SGCD: variants seen among roughly 807,000 people sequenced by gnomAD.
SGCD encodes the protein sarcoglycan delta.
SGCD carries 18 observed loss-of-function variants against 36.6 expected under a neutral mutation model. The observed-to-expected ratio is 0.49, with a 90% CI of 0.34 to 0.73. The LOEUF is 0.73. SGCD is among the 30% of genes least tolerant of loss of function. The pLI is 0.01. For synonymous variants in SGCD, 133 were observed against 130.6 expected, an observed-to-expected ratio of 1.02 and a Z score of -0.12; for missense variants, 387 against 346.7, an observed-to-expected ratio of 1.12 and a Z score of -0.92.
chr5:156,100,913 A>G (rs1417456639), intron 1 of SGCD, among the ~76,000 whole-genome samples: 1 of 152,130 alleles, frequency 6.6e-6, no homozygotes. Context: ...CCACATTTAC[A>G]TGTTTATTTG....
chr5:155,943,566 G>C (rs772689658), intron 1 of SGCD, among the ~76,000 whole-genome samples: 4 of 152,138 alleles, frequency 2.6e-5, no homozygotes, highest in Non-Finnish European at 5.9e-5. Flanking sequence ...AATTTGCATA[G>C]AAGGGAAACC....
chr5:156,559,749 G>A (rs1387685924), intron 4 of SGCD, among the ~76,000 whole-genome samples: 4 of 152,128 alleles, frequency 2.6e-5, no homozygotes, highest in Non-Finnish European at 5.9e-5. Context: ...AACTTCTATA[G>A]GAGACAGGCT....
At chr5:155,903,539 A>G (rs1756435184) in intron 1 of SGCD, among the ~76,000 whole-genome samples, 1 of 152,308 alleles carries the variant, frequency 6.6e-6, no homozygotes, top group Non-Finnish European at 1.5e-5. Flanking sequence ...TTTACTGAGC[A>G]GGAGCCTCTG....
At chr5:156,758,899 C>T (rs1398132520) in intron 8 of SGCD, among the ~76,000 whole-genome samples, 2 of 152,078 alleles carry the variant, frequency 1.3e-5, no homozygotes, top group African/African-American at 4.8e-5. Context: ...CTGGGAAGTC[C>T]CATAGTAAAG....
intron 4 of SGCD, among the ~76,000 whole-genome samples, chr5:156,536,555 T>C (rs996061699): frequency 2.6e-5 from 4 of 152,268 alleles, no homozygotes; most frequent in Admixed American, 2.0e-4. Flanking sequence ...AATGCAGCTT[T>C]ATTTTTGTCA....
intron 7 of SGCD, among the ~76,000 whole-genome samples, chr5:156,720,379 A>C (rs1348127319): frequency 6.6e-6 from 1 of 152,210 alleles, no homozygotes; most frequent in Non-Finnish European, 1.5e-5. Flanking sequence ...GCTGACATTT[A>C]AGCATACACC....
intron 1 of SGCD, among the ~76,000 whole-genome samples, chr5:156,081,871 C>T (rs768829290): frequency 2.0e-5 from 3 of 152,054 alleles, no homozygotes; most frequent in Non-Finnish European, 4.4e-5. Flanking sequence ...GAGTGATTGC[C>T]CCACTATGCA....
chr5:155,740,499 C>T, the SGCD span, among the ~76,000 whole-genome samples: 2 of 152,048 alleles, frequency 1.3e-5, no homozygotes, highest in South Asian at 2.1e-4. Flanking sequence ...CCTTTTTATA[C>T]TCAAATTGGG....
At chr5:156,474,446 T>G (rs188450621) in intron 3 of SGCD, among the ~76,000 whole-genome samples, 1 of 152,188 alleles carries the variant, frequency 6.6e-6, no homozygotes, top group Admixed American at 6.5e-5. Context: ...TAGCTTGTAC[T>G]GACTCCTTAG....
At chr5:156,361,616 A>G (rs1298826785) in intron 3 of SGCD, among the ~76,000 whole-genome samples, 1 of 152,222 alleles carries the variant, frequency 6.6e-6, no homozygotes, top group African/African-American at 2.4e-5. Context: ...AAAATTCAGC[A>G]CAGAGTCATA....
chr5:156,641,474 A>G (rs1264520227), intron 6 of SGCD, among the ~76,000 whole-genome samples: 3 of 152,240 alleles, frequency 2.0e-5, no homozygotes, highest in Non-Finnish European at 4.4e-5. Context: ...TAGTTTATTC[A>G]TAATTTTTCA....
At chr5:156,680,619 G>A (rs905561880) in intron 7 of SGCD, among the ~76,000 whole-genome samples, 8 of 152,104 alleles carry the variant, frequency 5.3e-5, no homozygotes, top group South Asian at 2.1e-4. Flanking sequence ...ATGCAGAGAC[G>A]AACAAGCTAT....
chr5:156,494,155 G>A (rs1289002021), intron 3 of SGCD, among the ~76,000 whole-genome samples: 1 of 152,100 alleles, frequency 6.6e-6, no homozygotes, highest in Admixed American at 6.6e-5. Context: ...GGCTGCTGTT[G>A]AACATATACA....
intron 1 of SGCD, among the ~76,000 whole-genome samples, chr5:156,017,034 C>T (rs920376881): frequency 3.3e-5 from 5 of 152,044 alleles, no homozygotes; most frequent in African/African-American, 1.2e-4. Flanking sequence ...TACGAGGGTG[C>T]CTATTTTTCA....
rs191208060 is a variant in SGCD at position 156,367,596 on chromosome 5, T to A, written c.192+22919T>A. 8.3e-3 allele frequency among the ~76,000 whole-genome samples: 1,266 copies of A among 152,284 alleles called. 13 individuals carry two copies. The highest frequency in any genetic ancestry group is 0.016 in the Admixed American group (240 of 15,300). On this transcript the variant is annotated intron_variant, in intron 3 of 8. Transcript: ENST00000337851. The stretch of plus-strand genomic sequence containing the variant: ...ACATATTGGAACATACGGAACAACA[T>A]TTAGCTGTAGATCTTTGACCCTGAA...
intron 8 of SGCD, among the ~76,000 whole-genome samples, chr5:156,758,730 T>A (rs1757428201): frequency 6.6e-6 from 1 of 152,082 alleles, no homozygotes; most frequent in African/African-American, 2.4e-5. Context: ...CATATTTTTA[T>A]AGGCATGTTT....
At chr5:156,524,496 A>G (rs1181025776) in intron 4 of SGCD, among the ~76,000 whole-genome samples, 1 of 151,518 alleles carries the variant, frequency 6.6e-6, no homozygotes, top group South Asian at 2.1e-4. Context: ...AAGGTGTACA[A>G]ACTTAATGAT....
chr5:156,072,245 G>A (rs1170507633), intron 1 of SGCD, among the ~76,000 whole-genome samples: 3 of 152,096 alleles, frequency 2.0e-5, no homozygotes, highest in South Asian at 2.1e-4. Context: ...TTACAATTTG[G>A]CATGATTTTG....
At chr5:156,127,476 G>C (rs922620493) in intron 3 of SGCD, among the ~76,000 whole-genome samples, 1 of 151,976 alleles carries the variant, frequency 6.6e-6, no homozygotes, top group Non-Finnish European at 1.5e-5. Flanking sequence ...AATTAGCCAG[G>C]CATCGTAGCA....
Sources: allele counts gnomAD v4.1 joint callset (sites outside exome capture counted in the v4.1 genomes callset), GRCh38; gene constraint gnomAD v4.1.1; transcripts MANE v1.5; gene names NCBI Gene and HGNC (gene_info 2026-07-23, HGNC 2026-07-21).